ZNF107: variants seen among roughly 807,000 people sequenced by gnomAD.
ZNF107 encodes the protein C2H2 type zinc-finger protein.
A neutral mutation model predicts 12.3 loss-of-function variants in ZNF107; 19 were observed. The observed-to-expected ratio is 1.55, with a 90% confidence interval of 1.08 to 2.27. The LOEUF is 2.27. ZNF107 is among the 30% of genes most tolerant of loss of function. The pLI is 0.00. For synonymous variants in ZNF107, 317 were observed against 330.5 expected, an observed-to-expected ratio of 0.96 and a Z score of 0.44; for missense variants, 958 against 979.9, an observed-to-expected ratio of 0.98 and a Z score of 0.30.
intron 1 of ZNF107, among the ~76,000 whole-genome samples, chr7:64,674,686 A>G (rs543548265): frequency 6.6e-6 from 1 of 152,200 alleles, no homozygotes; most frequent in African/African-American, 2.4e-5. Context: ...GCCAGTTTTC[A>G]TGGAGAAATG....
chr7:64,691,278 G>T lies in ZNF107; in HGVS notation c.34G>T (p.Glu12Ter). 1 of 1,547,090 alleles carries T rather than the reference G, an allele frequency of 6.5e-7. No individual in the cohort carries two copies. Among genetic ancestry groups the T allele is most frequent in the Non-Finnish European group, 8.7e-7 (1 of 1,148,382 alleles). The change falls in exon 2 of 4, where the codon GAA becomes TAA. Residue 12 changes from glutamate (E) to a stop codon, truncating the protein, a stop_gained. Transcript: ENST00000620827. LOFTEE classifies it high-confidence loss of function. ...EPLTFKDVAI[E>*]FSLEEWQCLD... ...ACTGACATTTAAAGATGTCGCCATA[G>T]AATTCTCTCTGGAGGAGTGGCAATG... is the stretch of plus-strand genomic sequence containing the variant.
chr7:64,706,020 T>C (rs1365143049), intron 3 of ZNF107, among the ~76,000 whole-genome samples: 2 of 151,942 alleles, frequency 1.3e-5, no homozygotes, highest in Non-Finnish European at 2.9e-5. Context: ...CACTATGTTA[T>C]ATTGGGGAAC....
chr7:64,676,191 G>C (rs1463700570), intron 1 of ZNF107, among the ~76,000 whole-genome samples: 1 of 152,030 alleles, frequency 6.6e-6, no homozygotes, highest in African/African-American at 2.4e-5. Context: ...GGTTTCAAGT[G>C]GTTTTCTTTG....
In ZNF107 at chr7:64,710,549, TGGTA is replaced by T. The variant is rs1010788775; in HGVS notation, c.*1898_*1901del. 16 of 152,258 alleles carry T rather than the reference TGGTA, an allele frequency of 1.1e-4. No homozygotes were observed. The highest frequency in any genetic ancestry group is 3.1e-4 in the African/African-American group (13 of 41,558). The allele number at this position is 152,258 out of a possible 1,614,324, so 9.4% of individuals were successfully genotyped here. On this transcript the variant is annotated 3_prime_UTR_variant, in exon 4 of 4. Transcript: ENST00000620827. ...ATAGAAAATAATTTAAAACTAAAGTTGGTAGGTAAATAATGTGTATATAACTTTA... is the reference window on the plus strand; with the variant it reads ...ATAGAAAATAATTTAAAACTAAAGTTGGTAAATAATGTGTATATAACTTTA...
Position 64,675,090 on chromosome 7 carries a change from G to C in ZNF107, c.3+8805G>C, listed in dbSNP as rs1445747125. Reference sequence around the variant, plus strand: ...TCTTTTTTTGTTATATCTCTGTCAGGTTTTGGTATCATATGATACTGTTCT... The same window carrying C: ...TCTTTTTTTGTTATATCTCTGTCAGCTTTTGGTATCATATGATACTGTTCT... On this transcript the variant is annotated intron_variant, in intron 1 of 3. Transcript: ENST00000620827. Among the ~76,000 whole-genome samples, 3 of 152,090 alleles carry C rather than the reference G, an allele frequency of 2.0e-5. No homozygotes were observed. In the East Asian group the frequency reaches 5.8e-4, roughly 29 times the overall value.
At chr7:64,689,476 C>T (rs1403928139) in intron 1 of ZNF107, 1 of 152,120 alleles carries the variant, frequency 6.6e-6, no homozygotes, top group Non-Finnish European at 1.5e-5. Flanking sequence ...ATTCTGTAAG[C>T]GTAAACAAGC....
At position 64,710,671 on chromosome 7, in the gene ZNF107, A is replaced by G. The variant is rs1790856627; in HGVS notation, c.*2015A>G. 2 of 151,950 alleles carry G rather than the reference A, an allele frequency of 1.3e-5. No homozygotes were observed. The highest frequency in any genetic ancestry group is 1.3e-4 in the Admixed American group (2 of 15,238). The allele number at this position is 151,950 out of a possible 1,614,324, so 9.4% of individuals were successfully genotyped here. On this transcript the variant is annotated 3_prime_UTR_variant, in exon 4 of 4. Transcript: ENST00000620827. The stretch of plus-strand genomic sequence containing the variant: ...TTTTGAAAAGCAAATGATGTAATTC[A>G]ACTCAAATTCATGCTCTTCATTCCT...
At chr7:64,705,180 A>C (rs534305289) in intron 3 of ZNF107, among the ~76,000 whole-genome samples, 3 of 152,256 alleles carry the variant, frequency 2.0e-5, no homozygotes, top group Admixed American at 2.0e-4. Flanking sequence ...TGCAGTTCGC[A>C]AGATTCTGTT....
intron 1 of ZNF107, chr7:64,690,265 G>C (rs1304486873): frequency 1.6e-6 from 1 of 643,600 alleles, no homozygotes; most frequent in Non-Finnish European, 1.9e-6. Flanking sequence ...AATTACCCTA[G>C]AAAACCCCAG....
chr7:64,677,245 C>T (rs1789448365), intron 1 of ZNF107, among the ~76,000 whole-genome samples: 1 of 151,204 alleles, frequency 6.6e-6, no homozygotes, highest in Non-Finnish European at 1.5e-5. Context: ...GATTTTGGCT[C>T]ACTGCAACCT....
Position 64,708,067 on chromosome 7 carries a change from CTT to C in ZNF107, c.1973_1974del (p.Phe658Ter). On this transcript the variant is annotated frameshift_variant, in exon 4 of 4. Transcript: ENST00000620827. LOFTEE classifies it low-confidence loss of function (END_TRUNC). ...TACAAATTTGAAGAACATGGAAAAG[CTT>C]TTAACCTATTCTCAAACATTACTAA... 1.9e-6 allele frequency: 3 copies of C among 1,613,444 alleles called. No individual in the cohort carries two copies. The South Asian group carries it at 3.3e-5, about 18-fold the overall frequency.
chr7:64,690,453 T>C, intron 1 of ZNF107: 1 of 985,326 alleles, frequency 1.0e-6, no homozygotes, highest in Non-Finnish European at 1.2e-6. Flanking sequence ...GAGATCAGAG[T>C]TTTGGCTGGT....
At chr7:64,675,643 A>G (rs1156699101) in intron 1 of ZNF107, among the ~76,000 whole-genome samples, 2 of 152,058 alleles carry the variant, frequency 1.3e-5, no homozygotes, top group Non-Finnish European at 2.9e-5. Flanking sequence ...CTAGTTTAGA[A>G]GTTGGTTTCC....
chr7:64,707,770 TTC>T lies in ZNF107; in HGVS notation c.1674_1675del (p.His559TyrfsTer7). The T allele has an allele frequency of 6.2e-7, 1 of 1,612,030 alleles. No individual in the cohort carries two copies. Among genetic ancestry groups the T allele is most frequent in the Admixed American group, 1.7e-5 (1 of 59,676 alleles). ...TCAACCCTTACTAAACATAAGAGAA[TTC>T]ATACTGGAGAAAAACCCTATAAATG... On this transcript the variant is annotated frameshift_variant, in exon 4 of 4. Transcript: ENST00000620827. LOFTEE classifies it low-confidence loss of function (END_TRUNC).
intron 1 of ZNF107, among the ~76,000 whole-genome samples, chr7:64,672,784 A>G (rs1480247630): frequency 1.3e-5 from 2 of 152,194 alleles, no homozygotes; most frequent in Non-Finnish European, 2.9e-5. Context: ...AGAATAATTT[A>G]TATTTCTTTG....
Position 64,706,384 on chromosome 7 carries a change from A to T in ZNF107, c.287A>T (p.Gln96Leu). 1 of 1,610,796 alleles carries T rather than the reference A, an allele frequency of 6.2e-7. No homozygotes were observed. The change falls in exon 4 of 4, where the codon CAG becomes CTG. Residue 96 changes from glutamine to leucine, a missense_variant. By Grantham distance (113) the Gln-to-Leu change is moderately radical. Transcript: ENST00000620827. ...GAGCAGAACATAAAAGATTCTTTCC[A>T]GAAAGTGACACTGAGAAGATACGGA... ...WPEQNIKDSF[Q>L]KVTLRRYGKC...
At position 64,706,607 on chromosome 7, in the gene ZNF107, C is replaced by T; in HGVS notation, c.510C>T (p.Asn170=). 6.2e-7 allele frequency: 1 copy of T among 1,613,088 alleles called. No individual in the cohort carries two copies. The highest frequency in any genetic ancestry group is 2.2e-5 in the East Asian group (1 of 44,842). ...GATATAAGAGAAGACATACAGGAAA[C>T]AAACACTTCAAATGTAAAGAATGTA... ...SNRYKRRHTG[N]KHFKCKECSK... is the part of the protein sequence containing the mutation. Residue 170 remains asparagine, a synonymous_variant, in exon 4 of 4, where the codon AAC becomes AAT. Coordinates refer to ENST00000620827, the MANE Select transcript of ZNF107 (RefSeq NM_001282359.2).
At chr7:64,700,507 T>G (rs568978967) in intron 3 of ZNF107, among the ~76,000 whole-genome samples, 320 of 4,952 alleles carry the variant, frequency 0.065, 2 homozygotes, top group African/African-American at 0.16. Context: ...CAAATAAACC[T>G]TTTTTTTTTT....
rs986539441 is a variant in ZNF107, at chr7:64,680,863, G to A, written c.4-10385G>A. On this transcript the variant is annotated intron_variant, in intron 1 of 3. Coordinates refer to ENST00000620827, the MANE Select transcript of ZNF107 (RefSeq NM_001282359.2). ...TTCTGAATTACAGATGCTTGCCTCC[G>A]CCGTAAGACGAACCCCAGCCACACC... 7.2e-5 allele frequency among the ~76,000 whole-genome samples: 11 copies of A among 152,136 alleles called. No individual in the cohort carries two copies. In the East Asian group the frequency reaches 1.9e-3, roughly 27 times the overall value.
Sources: allele counts gnomAD v4.1 joint callset (sites outside exome capture counted in the v4.1 genomes callset), GRCh38; gene constraint gnomAD v4.1.1; transcripts MANE v1.5; gene names NCBI Gene and HGNC (gene_info 2026-07-23, HGNC 2026-07-21).